The following LHX1 variants were observed in gnomAD, a reference collection of about 807,000 sequenced individuals.
LHX1 encodes LIM/homeobox protein Lhx1.
Under a neutral mutation model 34.1 loss-of-function variants are expected in LHX1, and 9 were observed. That is an observed-to-expected ratio of 0.26 (90% CI 0.16 to 0.46). The LOEUF is 0.46. LHX1 is among the 20% of genes least tolerant of loss of function. The pLI, the probability that LHX1 is intolerant of heterozygous loss-of-function variation, is 1.00. For synonymous variants in LHX1, 254 were observed against 241.5 expected, an observed-to-expected ratio of 1.05 and a Z score of -0.48; for missense variants, 446 against 559.1, an observed-to-expected ratio of 0.80 and a Z score of 2.04.
chr17:36,938,499 G>A, intron 1 of LHX1, 132 bp downstream of exon 1: 1 of 898,632 alleles, frequency 1.1e-6, no homozygotes, highest in Non-Finnish European at 1.7e-6. Context: ...CAAGTCCCGC[G>A]GGCGCCCGCC....
In LHX1 at chr17:36,943,138, C is replaced by G; in HGVS notation, c.*7C>G. On this transcript the variant is annotated 3_prime_UTR_variant, in exon 5 of 5. Coordinates refer to ENST00000614239, the MANE Select transcript of LHX1 (RefSeq NM_005568.5). ...CGAGGCGGCCGTGTGGTAGCGGGGTCTCGCACGGTCTGCGGAGTTCGTGGT... is the reference window on the plus strand; with the variant it reads ...CGAGGCGGCCGTGTGGTAGCGGGGTGTCGCACGGTCTGCGGAGTTCGTGGT... 1.2e-6 allele frequency: 2 copies of G among 1,612,078 alleles called. No individual in the cohort carries two copies. Among genetic ancestry groups the G allele is most frequent in the East Asian group, 4.5e-5 (2 of 44,842 alleles).
chr17:36,939,542 G>C (rs944290704), intron 1 of LHX1, among the ~76,000 whole-genome samples: 1 of 152,192 alleles, frequency 6.6e-6, no homozygotes, highest in Non-Finnish European at 1.5e-5. Flanking sequence ...GAGCCTCCGC[G>C]GGCTGCCCGG....
chr17:36,941,992 T>G (rs539832290), intron 3 of LHX1, among the ~76,000 whole-genome samples: 8 of 152,208 alleles, frequency 5.3e-5, no homozygotes, highest in Non-Finnish European at 1.0e-4. Flanking sequence ...CAGGTCCTCC[T>G]GTGGGATTCC....
rs777444107 is a variant in LHX1, at chr17:36,942,966, G to C, written c.1056G>C (p.Gly352=). The change falls in exon 5 of 5, where the codon GGG becomes GGC. Residue 352 remains glycine (G), a synonymous_variant. Coordinates refer to ENST00000614239, the MANE Select transcript of LHX1 (RefSeq NM_005568.5). ...CCGACATCCTGGCGCACCCACCCGG[G>C]GACTCGCCCAGCCCCGAGCCCAGCC... ...RFTDILAHPP[G]DSPSPEPSLP... 1 of 1,610,788 alleles carries C rather than the reference G, an allele frequency of 6.2e-7. No individual in the cohort carries two copies. Among genetic ancestry groups the C allele is most frequent in the Non-Finnish European group, 8.5e-7 (1 of 1,179,132 alleles).
chr17:36,942,301 G>T lies in LHX1; in HGVS notation c.777G>T (p.Arg259=). 6.3e-7 allele frequency: 1 copy of T among 1,593,946 alleles called. No homozygotes were observed. Among genetic ancestry groups the T allele is most frequent in the Non-Finnish European group, 8.5e-7 (1 of 1,171,760 alleles). Residue 259 remains arginine (R), a synonymous_variant, in exon 4 of 5, where the codon CGG becomes CGT. Coordinates refer to ENST00000614239, the MANE Select transcript of LHX1 (RefSeq NM_005568.5). ...TCTTCCGCAGTCCGCGCCGGATGCG[G>T]CCGCTGGTGGACCGCCTGGAGCCGG... is the stretch of plus-strand genomic sequence containing the variant. ...HAFFRSPRRM[R]PLVDRLEPGE...
chr17:36,939,381 G>A (rs2070749624), intron 1 of LHX1, among the ~76,000 whole-genome samples: 1 of 152,204 alleles, frequency 6.6e-6, no homozygotes, highest in Non-Finnish European at 1.5e-5. Context: ...CAGGGAGCAG[G>A]AGGAAGAGGG....
rs752643264 is a variant in LHX1 at position 36,943,687 on chromosome 17, A to T, written c.*556A>T. 6.6e-6 allele frequency: 1 copy of T among 152,400 alleles called. No homozygotes were observed. Among genetic ancestry groups the T allele is most frequent in the Non-Finnish European group, 1.5e-5 (1 of 68,178 alleles). The allele number at this position is 152,400 out of a possible 1,614,324, so 9.4% of individuals were successfully genotyped here. ...CTTCAGAAACGCCGACCTGCCGTGC[A>T]TCAGGTGGGACTATATATATATTTT... On this transcript the variant is annotated 3_prime_UTR_variant, in exon 5 of 5. Coordinates refer to ENST00000614239, the MANE Select transcript of LHX1 (RefSeq NM_005568.5).
intron 4 of LHX1, 74 bp from the exon 5 acceptor site, chr17:36,942,678 G>A: frequency 1.4e-6 from 2 of 1,399,450 alleles, no homozygotes; most frequent in Non-Finnish European, 1.9e-6. Flanking sequence ...CCGAGGTCGC[G>A]TCTTCCCTCC....
rs1265766760 is a variant in LHX1 at position 36,943,219 on chromosome 17, A to C, written c.*88A>C. The C allele has an allele frequency of 3.6e-6, 5 of 1,408,348 alleles. No individual in the cohort carries two copies. In the Admixed American group the frequency reaches 9.4e-5, roughly 27 times the overall value. 87.2% of individuals were successfully genotyped at this position (1,408,348 alleles called of 1,614,324 possible). On this transcript the variant is annotated 3_prime_UTR_variant, in exon 5 of 5. Transcript: ENST00000614239. ...ATAGAAAAAAAAAAACATAAAAAGC[A>C]AGTCCCCACCCCCTTCCTCCAGCCT...
chr17:36,942,675 C>G, intron 4 of LHX1, 77 bp from the exon 5 acceptor site: 1 of 1,384,698 alleles, frequency 7.2e-7, no homozygotes, highest in Non-Finnish European at 9.5e-7. Context: ...CCGCCGAGGT[C>G]GCGTCTTCCC....
At chr17:36,940,941 G>T in intron 3 of LHX1, 54 bp downstream of exon 3, 1 of 1,542,208 alleles carries the variant, frequency 6.5e-7, no homozygotes, top group Non-Finnish European at 8.7e-7. Context: ...GCCACTTTGG[G>T]CACCCAGGCC....
In LHX1 at chr17:36,940,627, C is replaced by T. The variant is rs2142182307; in HGVS notation, c.415C>T (p.Pro139Ser). The T allele has an allele frequency of 3.7e-6, 6 of 1,613,834 alleles. No individual in the cohort carries two copies. Among genetic ancestry groups the T allele is most frequent in the Non-Finnish European group, 5.1e-6 (6 of 1,180,030 alleles). ...CCTCTTAGCCACCACGGGCAGTGAC[C>T]CCAGTTTGTCTCCGGATTCCCAAGA... ...SLHSATTGSD[P>S]SLSPDSQDPS... The change falls in exon 3 of 5, where the codon CCC becomes TCC. Residue 139 changes from proline (P) to serine (S), a missense_variant. Coordinates refer to ENST00000614239, the MANE Select transcript of LHX1 (RefSeq NM_005568.5).
intron 1 of LHX1, among the ~76,000 whole-genome samples, chr17:36,939,652 C>G (rs961996175): frequency 1.3e-4 from 20 of 152,234 alleles, no homozygotes; most frequent in African/African-American, 4.8e-4. Flanking sequence ...CGCGGCAGAG[C>G]GCCCAGAGCC....
At chr17:36,941,663 A>C in intron 3 of LHX1, 2 of 197,024 alleles carry the variant, frequency 1.0e-5, no homozygotes, top group Non-Finnish European at 2.1e-5. Flanking sequence ...GTGTACATGA[A>C]TGAGAAGTCG....
chr17:36,938,116 G>A lies in LHX1; in HGVS notation c.-82G>A, dbSNP rs2070740778. ...TTTTTGGAGAGACTGGGGAGCTCGT[G>A]CCGATTGTCTTCAGGAGTCATCCCC... is the stretch of plus-strand genomic sequence containing the variant. On this transcript the variant is annotated 5_prime_UTR_variant, in exon 1 of 5. Transcript: ENST00000614239. 1.4e-6 allele frequency: 2 copies of A among 1,384,834 alleles called. No individual in the cohort carries two copies. Among genetic ancestry groups the A allele is most frequent in the Admixed American group, 1.7e-5 (1 of 59,270 alleles). 85.8% of individuals were successfully genotyped at this position (1,384,834 alleles called of 1,614,324 possible). A position where few individuals can be genotyped will look rare whatever the true frequency, so the allele number is the denominator to read the frequency against.
chr17:36,942,508 A>G, intron 4 of LHX1, 143 bp downstream of exon 4: 1 of 987,680 alleles, frequency 1.0e-6, no homozygotes. Context: ...GAGTAAATCA[A>G]GGGGAGGCGG....
At chr17:36,939,639 A>G (rs895698951) in intron 1 of LHX1, among the ~76,000 whole-genome samples, 3 of 152,056 alleles carry the variant, frequency 2.0e-5, no homozygotes, top group Admixed American at 6.5e-5. Flanking sequence ...GGCTTCCACA[A>G]CCCGCGGCAG....
intron 3 of LHX1, 128 bp from the exon 4 acceptor site, chr17:36,942,072 C>A (rs2070768313): frequency 2.5e-6 from 2 of 798,552 alleles, no homozygotes; most frequent in Non-Finnish European, 3.9e-6. Context: ...CACTACCCTA[C>A]ACACACACAC....
rs537292531 is a variant in LHX1 at position 36,940,279 on chromosome 17, C to A, written c.171-11C>A. 19 of 962,342 alleles carry A rather than the reference C, an allele frequency of 2.0e-5. No homozygotes were observed. The highest frequency in any genetic ancestry group is 8.6e-5 in the Admixed American group (4 of 46,652). The allele number at this position is 962,342 out of a possible 1,614,324, so 59.6% of individuals were successfully genotyped here. Reference sequence around the variant, plus strand: ...TCCCCGCCCCCGCCCCCCACCCCCACCCCCCCGCAGGTGTTTCGGTACCAA... The same window carrying A: ...TCCCCGCCCCCGCCCCCCACCCCCAACCCCCCGCAGGTGTTTCGGTACCAA... On this transcript the variant is annotated splice_polypyrimidine_tract_variant and intron_variant, in intron 1 of 4. Coordinates refer to ENST00000614239, the MANE Select transcript of LHX1 (RefSeq NM_005568.5).
Sources: gnomAD v4.1 joint callset for allele counts (sites outside exome capture counted in the v4.1 genomes callset) on GRCh38, gnomAD v4.1.1 for gene constraint, MANE v1.5 for transcripts, NCBI Gene and HGNC (gene_info 2026-07-23, HGNC 2026-07-21) for gene names.